Variants in TOP6BL observed in about 807,000 individuals in gnomAD.
TOP6BL encodes the protein type 2 DNA topoisomerase 6 subunit B-like.
chr11:66,756,365 C>G, the TOP6BL span: 2 of 1,193,910 alleles, frequency 1.7e-6, no homozygotes, highest in Non-Finnish European at 2.1e-6. Flanking sequence ...TGGAGTCTCA[C>G]TCTGTTACCC....
chr11:66,755,454 G>T, the TOP6BL span, among the ~76,000 whole-genome samples: 1 of 152,082 alleles, frequency 6.6e-6, no homozygotes, highest in Non-Finnish European at 1.5e-5. Flanking sequence ...AATCATGTTT[G>T]TCTCTTGTTT....
the TOP6BL span, among the ~76,000 whole-genome samples, chr11:66,826,241 CATT>C: frequency 6.6e-6 from 1 of 152,116 alleles, no homozygotes; most frequent in Non-Finnish European, 1.5e-5. Flanking sequence ...AATTTTTACT[CATT>C]ATCTCATATA....
At chr11:66,800,432 CTACTTGAT>C in the TOP6BL span, among the ~76,000 whole-genome samples, 1 of 152,146 alleles carries the variant, frequency 6.6e-6, no homozygotes, top group East Asian at 1.9e-4. Context: ...AGATGTTAAT[CTACTTGAT>C]TTAATCATTC....
At chr11:66,813,909 T>C in the TOP6BL span, 1 of 1,613,972 alleles carries the variant, frequency 6.2e-7, no homozygotes. Flanking sequence ...TATTGTCAAC[T>C]TGGGAGCAGC....
chr11:66,816,200 G>A, the TOP6BL span: 2 of 1,608,102 alleles, frequency 1.2e-6, no homozygotes, highest in Non-Finnish European at 1.7e-6. Context: ...GAAATCTGGG[G>A]TAAGTATAAG....
the TOP6BL span, among the ~76,000 whole-genome samples, chr11:66,786,202 G>A: frequency 6.6e-6 from 1 of 152,104 alleles, no homozygotes; most frequent in Non-Finnish European, 1.5e-5. Context: ...GGAGGCTGAG[G>A]CAGGAGACCC....
At chr11:66,758,918 T>C in the TOP6BL span, 3 of 498,968 alleles carry the variant, frequency 6.0e-6, no homozygotes, top group African/African-American at 5.8e-5. Context: ...TTTACCAAAC[T>C]CATTAGTAGT....
chr11:66,814,132 G>A, the TOP6BL span: 1 of 1,206,398 alleles, frequency 8.3e-7, no homozygotes, highest in South Asian at 1.6e-5. Flanking sequence ...GATGGCCCAG[G>A]TTGGGGTTTG....
At chr11:66,843,267 C>T in the TOP6BL span, 11 of 1,603,020 alleles carry the variant, frequency 6.9e-6, no homozygotes, top group East Asian at 4.5e-5. Context: ...CCCACCGATC[C>T]GGAGGCTGCG....
chr11:66,748,457 A>T, the TOP6BL span: 1 of 1,549,214 alleles, frequency 6.5e-7, no homozygotes, highest in Non-Finnish European at 8.7e-7. Context: ...GCAGCTAGTG[A>T]TTTCCATAGA....
the TOP6BL span, among the ~76,000 whole-genome samples, chr11:66,780,520 T>C: frequency 6.6e-6 from 1 of 152,166 alleles, no homozygotes; most frequent in African/African-American, 2.4e-5. Flanking sequence ...TTTTCTCCTT[T>C]TCAACATTTT....
chr11:66,797,519 T>C, the TOP6BL span, among the ~76,000 whole-genome samples: 1 of 152,004 alleles, frequency 6.6e-6, no homozygotes, highest in African/African-American at 2.4e-5. Context: ...CTTTTTTTTT[T>C]CCTGAGACAG....
At chr11:66,761,469 G>C in the TOP6BL span, 1 of 355,058 alleles carries the variant, frequency 2.8e-6, no homozygotes, top group South Asian at 7.5e-5. Flanking sequence ...TTTTCCCCAT[G>C]ATATTAGGAT....
chr11:66,767,624 A>C, the TOP6BL span, among the ~76,000 whole-genome samples: 1 of 152,170 alleles, frequency 6.6e-6, no homozygotes, highest in African/African-American at 2.4e-5. Context: ...TTCCCAAATA[A>C]AATTTACAGC....
At chr11:66,787,923 T>G in the TOP6BL span, among the ~76,000 whole-genome samples, 3 of 152,194 alleles carry the variant, frequency 2.0e-5, no homozygotes, top group Non-Finnish European at 4.4e-5. Context: ...AAAAATTGAT[T>G]TAGCAAATGT....
At chr11:66,826,489 A>G in the TOP6BL span, among the ~76,000 whole-genome samples, 4 of 152,202 alleles carry the variant, frequency 2.6e-5, no homozygotes, top group African/African-American at 9.6e-5. Context: ...AAATGGAGTT[A>G]TGAGTCAAAG....
the TOP6BL span, among the ~76,000 whole-genome samples, chr11:66,787,968 C>T: frequency 2.6e-5 from 4 of 152,162 alleles, no homozygotes; most frequent in Non-Finnish European, 5.9e-5. Flanking sequence ...ATGTCCTAAT[C>T]CCATAAAGTA....
chr11:66,802,145 T>C, the TOP6BL span, among the ~76,000 whole-genome samples: 1 of 151,998 alleles, frequency 6.6e-6, no homozygotes, highest in Non-Finnish European at 1.5e-5. Context: ...CACAGAAATA[T>C]GCTACCATAC....
the TOP6BL span, among the ~76,000 whole-genome samples, chr11:66,829,737 A>G: frequency 6.6e-6 from 1 of 151,924 alleles, no homozygotes; most frequent in African/African-American, 2.4e-5. Context: ...AAAAATAGAA[A>G]AATTAGCCAG....
Sources: gnomAD v4.1 joint callset for allele counts (sites outside exome capture counted in the v4.1 genomes callset) on GRCh38, gnomAD v4.1.1 for gene constraint, MANE v1.5 for transcripts, NCBI Gene and HGNC (gene_info 2026-07-23, HGNC 2026-07-21) for gene names.